The following SRGAP2 variants were observed in gnomAD, a reference collection of about 807,000 sequenced individuals.
The protein encoded by SRGAP2 is SLIT-ROBO Rho GTPase-activating protein 2.
In SRGAP2, 15 loss-of-function variants were observed where a neutral mutation model predicts 57.2. The observed-to-expected ratio is 0.26, with a 90% CI of 0.18 to 0.40. SRGAP2 has a LOEUF of 0.40. Among genes scored for constraint, SRGAP2 ranks in the 10% least tolerant of loss-of-function variants. The pLI, the probability that SRGAP2 is intolerant of heterozygous loss-of-function variation, is 1.00. For synonymous variants in SRGAP2, 249 were observed against 248.0 expected (o/e 1.00, Z -0.04); for missense variants, 520 against 669.6 (o/e 0.78, Z 2.47).
rs1664347509 is a variant in SRGAP2, at chr1:206,462,829, GT to G, written c.*1410del. On this transcript the variant is annotated 3_prime_UTR_variant, in exon 23 of 23. Coordinates refer to ENST00000573034, the MANE Select transcript of SRGAP2 (RefSeq NM_015326.5). ...TCATACCCTTGTCTGCTCCAATTCA[GT>G]CTCCAAACCTGGTGCCTGTGCTCCT... 6.6e-6 allele frequency: 1 copy of G among 152,142 alleles called. No homozygotes were observed. Among genetic ancestry groups the G allele is most frequent in the Non-Finnish European group, 1.5e-5 (1 of 68,032 alleles). 9.4% of individuals were successfully genotyped at this position (152,142 alleles called of 1,614,324 possible). A position where few individuals can be genotyped will look rare whatever the true frequency, so the allele number is the denominator to read the frequency against.
chr1:206,458,468 G>A (rs974715511), intron 21 of SRGAP2, 155 bp from the exon 22 acceptor site: 1 of 715,170 alleles, frequency 1.4e-6, no homozygotes, highest in Non-Finnish European at 2.6e-6. Context: ...AAGACATGGA[G>A]AATGCAAGAG....
chr1:206,441,130 A>C (rs1282956606), intron 17 of SRGAP2, among the ~76,000 whole-genome samples: 1 of 152,206 alleles, frequency 6.6e-6, no homozygotes, highest in African/African-American at 2.4e-5. Context: ...TAGGGTGGTC[A>C]TTTATGGAGT....
intron 3 of SRGAP2, among the ~76,000 whole-genome samples, chr1:206,340,917 T>A (rs1378982135): frequency 6.6e-5 from 10 of 151,328 alleles, no homozygotes; most frequent in African/African-American, 2.4e-4. Context: ...CCTAAAAAGG[T>A]AAGTGTTGTC....
intron 21 of SRGAP2, among the ~76,000 whole-genome samples, chr1:206,456,876 G>A (rs911439887): frequency 1.3e-5 from 2 of 152,144 alleles, no homozygotes; most frequent in East Asian, 1.9e-4. Flanking sequence ...GGGCGCTCAC[G>A]CCTGCTGTCT....
chr1:206,364,276 TATA>T (rs1677118407), intron 4 of SRGAP2, among the ~76,000 whole-genome samples: 1 of 149,804 alleles, frequency 6.7e-6, no homozygotes, highest in African/African-American at 2.5e-5. Flanking sequence ...AACAGGCATC[TATA>T]TAACCTCTGG....
In SRGAP2 at chr1:206,306,211, C is replaced by T. The variant is rs1395605617; in HGVS notation, c.260+2738C>T. ...TCAAGAATGAGGCTGCGGACCCTTG[C>T]GGTGAGTGTTACAGCTCTTAAGGTG... On this transcript the variant is annotated intron_variant, in intron 3 of 22. Transcript: ENST00000573034. 8.5e-5 allele frequency among the ~76,000 whole-genome samples: 13 copies of T among 152,224 alleles called. No homozygotes were observed. In the South Asian group the frequency reaches 2.1e-3, roughly 24 times the overall value.
At chr1:206,278,763 C>T (rs1391815760) in intron 2 of SRGAP2, among the ~76,000 whole-genome samples, 3 of 149,768 alleles carry the variant, frequency 2.0e-5, no homozygotes, top group Admixed American at 6.6e-5. Flanking sequence ...GTGTAAGCCG[C>T]GTGGATATTG....
At chr1:206,302,009 G>C (rs1305201462) in intron 2 of SRGAP2, among the ~76,000 whole-genome samples, 2 of 151,214 alleles carry the variant, frequency 1.3e-5, no homozygotes, top group Non-Finnish European at 2.9e-5. Context: ...CCATAATGAT[G>C]CATTACATAG....
Position 206,454,282 on chromosome 1 carries a change from A to G in SRGAP2, c.2361-596A>G. ...GGACCCTCCCAAATTTAGCATTATG[A>G]CTTCACCACAGGATCAAGAGAAGAT... On this transcript the variant is annotated intron_variant, in intron 20 of 22. Coordinates refer to ENST00000573034, the MANE Select transcript of SRGAP2 (RefSeq NM_015326.5). The surrounding 1 kb of genome is among the most constrained non-coding windows in gnomAD (Gnocchi z 4.3). The G allele has an allele frequency of 1.5e-6, 1 of 683,124 alleles. No individual in the cohort carries two copies. The highest frequency in any genetic ancestry group is 2.7e-6 in the Non-Finnish European group (1 of 375,216). The allele number at this position is 683,124 out of a possible 1,614,324, so 42.3% of individuals were successfully genotyped here.
At chr1:206,387,125 C>CAAAAA (rs782327960) in intron 5 of SRGAP2, among the ~76,000 whole-genome samples, 5 of 83,504 alleles carry the variant, frequency 6.0e-5, no homozygotes, top group African/African-American at 8.9e-5. Context: ...GACTCTGTCT[C>CAAAAA]AAAAAAAAAA....
chr1:206,333,422 T>A, intron 3 of SRGAP2: 1 of 1,345,308 alleles, frequency 7.4e-7, no homozygotes, highest in Non-Finnish European at 1.1e-6. Context: ...CTTCAAGGTA[T>A]CACTGAGATT....
At chr1:206,279,800 T>TA (rs1293173542) in intron 2 of SRGAP2, among the ~76,000 whole-genome samples, 6 of 151,568 alleles carry the variant, frequency 4.0e-5, no homozygotes, top group Non-Finnish European at 8.8e-5. Context: ...AATGAAATAA[T>TA]AGAAGTGAAA....
chr1:206,446,248 G>C lies in SRGAP2; in HGVS notation c.2048G>C (p.Arg683Thr). 1.3e-6 allele frequency: 1 copy of C among 780,920 alleles called. No homozygotes were observed. The highest frequency in any genetic ancestry group is 2.4e-5 in the East Asian group (1 of 41,250). The allele number at this position is 780,920 out of a possible 1,614,324, so 48.4% of individuals were successfully genotyped here. ...IQHENIFPSP[R>T]ELEGPVYSRG... ...CATGAGAACATCTTCCCAAGCCCCA[G>C]GGAGCTGGAGGGCCCTGTCTACAGC... Residue 683 changes from arginine to threonine, a missense_variant, in exon 18 of 23, where the codon AGG (arginine) becomes ACG (threonine). Physicochemically the swap from Arg to Thr is moderately conservative, Grantham distance 71 (BLOSUM62 -1). Coordinates refer to ENST00000573034, the MANE Select transcript of SRGAP2 (RefSeq NM_015326.5).
chr1:206,281,805 AAAAC>A (rs1225834505), intron 2 of SRGAP2, among the ~76,000 whole-genome samples: 5,215 of 127,400 alleles, frequency 0.041, 134 homozygotes, highest in Middle Eastern at 0.071. Context: ...TCTGTCTCAA[AAAAC>A]AAACAAACAA....
chr1:206,305,079 T>C (rs1672110484), intron 3 of SRGAP2, among the ~76,000 whole-genome samples: 1 of 107,680 alleles, frequency 9.3e-6, no homozygotes, highest in Non-Finnish European at 1.8e-5. Context: ...ATCTATGTTT[T>C]TGATATCAAA....
chr1:206,304,597 C>T (rs1672079553), intron 3 of SRGAP2, among the ~76,000 whole-genome samples: 2 of 152,190 alleles, frequency 1.3e-5, no homozygotes, highest in East Asian at 1.9e-4. Flanking sequence ...ATGCAGCCCA[C>T]AGGCCGTAGG....
chr1:206,326,469 C>T, intron 3 of SRGAP2, among the ~76,000 whole-genome samples: 1 of 152,208 alleles, frequency 6.6e-6, no homozygotes, highest in Non-Finnish European at 1.5e-5. Flanking sequence ...TAGAATAGCT[C>T]TGCGCTCTGG....
chr1:206,417,413 A>AC (rs1659826718), intron 11 of SRGAP2, among the ~76,000 whole-genome samples: 1 of 115,198 alleles, frequency 8.7e-6, no homozygotes, highest in African/African-American at 3.7e-5. Context: ...TGATCTTATG[A>AC]CTTTTTTTTT....
chr1:206,256,137 C>T (rs1347467443), intron 2 of SRGAP2, among the ~76,000 whole-genome samples: 1 of 150,816 alleles, frequency 6.6e-6, no homozygotes, highest in African/African-American at 2.4e-5. Context: ...TGGCTGCATC[C>T]AACACCAGAA....
Sources: allele counts gnomAD v4.1 joint callset (sites outside exome capture counted in the v4.1 genomes callset), GRCh38; gene constraint gnomAD v4.1.1; non-coding constraint Gnocchi (gnomAD v3.1); transcripts MANE v1.5; gene names NCBI Gene and HGNC (gene_info 2026-07-23, HGNC 2026-07-21).